The following RFC1 variants were observed in gnomAD, a reference collection of about 807,000 sequenced individuals.
The protein encoded by RFC1 is A1 140 kDa subunit.
RFC1 carries 37 observed loss-of-function variants against 137.4 expected under a neutral mutation model. The observed-to-expected ratio is 0.27, with a 90% CI of 0.21 to 0.35. The LOEUF (loss-of-function observed/expected upper bound fraction) is 0.35. RFC1 is among the 10% of genes least tolerant of loss of function. The pLI is 1.00. For synonymous variants in RFC1, 429 were observed against 455.7 expected (o/e 0.94, Z 0.75); for missense variants, 1,205 against 1,358.5 (o/e 0.89, Z 1.78).
chr4:39,300,875 C>G (rs1254537334), intron 19 of RFC1, among the ~76,000 whole-genome samples: 1 of 152,072 alleles, frequency 6.6e-6, no homozygotes, highest in Non-Finnish European at 1.5e-5. Context: ...GGGCGGATCA[C>G]TTGAGGTCAG....
In RFC1 at chr4:39,321,412, T is replaced by C. The variant is rs758826657; in HGVS notation, c.721-38A>G. ...TAAAAGTGTCAAATGTGACAAATAA[T>C]AGAAAAACTATTACCATAAAATCTG... On this transcript the variant is annotated intron_variant, in intron 7 of 24. Coordinates refer to ENST00000349703, the MANE Select transcript of RFC1 (RefSeq NM_002913.5). 1.5e-5 allele frequency: 23 copies of C among 1,559,416 alleles called. No individual in the cohort carries two copies. In the East Asian group the frequency reaches 3.6e-4, roughly 24 times the overall value.
Position 39,351,330 on chromosome 4 carries a change from T to C in RFC1, c.132+18A>G. 6.9e-7 allele frequency: 1 copy of C among 1,456,674 alleles called. No individual in the cohort carries two copies. Among genetic ancestry groups the C allele is most frequent in the South Asian group, 1.3e-5 (1 of 75,400 alleles). 90.2% of individuals were successfully genotyped at this position (1,456,674 alleles called of 1,614,324 possible). On this transcript the variant is annotated intron_variant, in intron 2 of 24. Transcript: ENST00000349703. Reference sequence around the variant, plus strand: ...TTTTACATTTCATTCAATGCAAAATTATACCCAGAAAACTAACCTTGATTT... The same window carrying C: ...TTTTACATTTCATTCAATGCAAAATCATACCCAGAAAACTAACCTTGATTT...
chr4:39,310,022 A>C (rs1738888844), intron 12 of RFC1, among the ~76,000 whole-genome samples: 1 of 152,212 alleles, frequency 6.6e-6, no homozygotes, highest in Non-Finnish European at 1.5e-5. Flanking sequence ...AATCATCTTA[A>C]CCAAATAATC....
At chr4:39,357,300 G>A (rs1307658239) in intron 1 of RFC1, among the ~76,000 whole-genome samples, 6 of 152,202 alleles carry the variant, frequency 3.9e-5, no homozygotes, top group African/African-American at 1.4e-4. Context: ...GTTGTGGCAA[G>A]AGGGAAGAAT....
intron 2 of RFC1, among the ~76,000 whole-genome samples, chr4:39,346,415 G>A (rs1740861259): frequency 6.6e-6 from 1 of 151,728 alleles, no homozygotes; most frequent in African/African-American, 2.4e-5. Context: ...GGCAGAGGTT[G>A]CAGTAAGCCA....
At chr4:39,328,926 T>A (rs1739927476) in intron 4 of RFC1, among the ~76,000 whole-genome samples, 1 of 152,030 alleles carries the variant, frequency 6.6e-6, no homozygotes, top group South Asian at 2.1e-4. Flanking sequence ...AGCTATATAT[T>A]GCAGGTGAAC....
intron 4 of RFC1, among the ~76,000 whole-genome samples, chr4:39,337,328 C>A (rs978406727): frequency 6.7e-6 from 1 of 150,366 alleles, no homozygotes; most frequent in African/African-American, 2.5e-5. Flanking sequence ...GACCCAAGAT[C>A]GCACCATTGC....
At chr4:39,320,349 CAAAA>C (rs56374926) in intron 9 of RFC1, 30 bp downstream of exon 9, 36,725 of 1,105,602 alleles carry the variant, frequency 0.033, 16 homozygotes, top group South Asian at 0.043. Context: ...AACTCCATCT[CAAAA>C]AAAAAAAAAA....
chr4:39,307,665 A>G (rs1237367872), intron 13 of RFC1, among the ~76,000 whole-genome samples: 1 of 152,062 alleles, frequency 6.6e-6, no homozygotes, highest in Non-Finnish European at 1.5e-5. Context: ...GCAGTGAGCC[A>G]AGATCGCACC....
chr4:39,364,497 T>C (rs1344237068), intron 1 of RFC1, among the ~76,000 whole-genome samples: 1 of 152,196 alleles, frequency 6.6e-6, no homozygotes, highest in East Asian at 1.9e-4. Context: ...CTATTTTTTA[T>C]CTGCACCATG....
chr4:39,362,770 A>G (rs949710603), intron 1 of RFC1, among the ~76,000 whole-genome samples: 2 of 152,248 alleles, frequency 1.3e-5, no homozygotes, highest in African/African-American at 4.8e-5. Flanking sequence ...GATGTGGAGG[A>G]AGACTATTTC....
chr4:39,365,323 C>CG (rs1477960757), intron 1 of RFC1: 5 of 353,798 alleles, frequency 1.4e-5, no homozygotes, highest in Non-Finnish European at 1.6e-5. Flanking sequence ...CCGCCCCCCC[C>CG]CAGAATGTTG....
At chr4:39,298,786 G>C (rs954902403) in intron 21 of RFC1, among the ~76,000 whole-genome samples, 3 of 152,182 alleles carry the variant, frequency 2.0e-5, no homozygotes, top group Non-Finnish European at 4.4e-5. Flanking sequence ...ATTTCTATGT[G>C]TCCATTTACA....
chr4:39,342,914 T>C (rs950187709), intron 3 of RFC1, among the ~76,000 whole-genome samples: 4 of 152,238 alleles, frequency 2.6e-5, no homozygotes, highest in African/African-American at 7.2e-5. Context: ...CACGTTGCCA[T>C]CTCCCGGATC....
Position 39,351,421 on chromosome 4 carries a change from G to T in RFC1, c.59C>A (p.Thr20Lys), listed in dbSNP as rs753085990. Residue 20 changes from threonine (T) to lysine (K), a missense_variant, in exon 2 of 25, where the codon ACA (threonine) becomes AAA (lysine). Around this residue, in one of 3 missense-constraint regions of RFC1, gnomAD observed 962 missense variants for 1,035.3 expected, o/e 0.93. Coordinates refer to ENST00000349703, the MANE Select transcript of RFC1 (RefSeq NM_002913.5). Reference protein sequence around the residue: ...IPSGKKLVSETVKKNEKTKSD... With the variant: ...IPSGKKLVSEKVKKNEKTKSD... ...CTTTGTTTTCTCATTCTTCTTTACT[G>T]TTTCACTTACAAGTTTCTTTCCACT... 6.3e-7 allele frequency: 1 copy of T among 1,578,488 alleles called. No homozygotes were observed. Among genetic ancestry groups the T allele is most frequent in the Non-Finnish European group, 8.6e-7 (1 of 1,165,320 alleles).
intron 10 of RFC1, among the ~76,000 whole-genome samples, chr4:39,315,792 C>T (rs1739210011): frequency 1.3e-5 from 2 of 152,298 alleles, no homozygotes; most frequent in South Asian, 4.2e-4. Context: ...TTCACTGCTC[C>T]CCCAGACCAG....
intron 22 of RFC1, among the ~76,000 whole-genome samples, chr4:39,295,062 GT>G (rs373119430): frequency 7.6e-4 from 115 of 152,268 alleles, no homozygotes; most frequent in African/African-American, 2.6e-3. Context: ...CATTTTCCAA[GT>G]TTCTAAAGTT....
At chr4:39,347,678 T>C (rs982024820) in intron 2 of RFC1, among the ~76,000 whole-genome samples, 2 of 152,156 alleles carry the variant, frequency 1.3e-5, no homozygotes, top group African/African-American at 4.8e-5. Context: ...GGTAGAAATA[T>C]GAACGTTAAA....
intron 7 of RFC1, chr4:39,321,583 G>T: frequency 8.3e-6 from 4 of 482,544 alleles, no homozygotes; most frequent in East Asian, 3.5e-5. Flanking sequence ...CAGATGAAAG[G>T]GTATAAAAAT....
Sources: allele counts gnomAD v4.1 joint callset (sites outside exome capture counted in the v4.1 genomes callset), GRCh38; gene constraint gnomAD v4.1.1; regional missense constraint gnomAD v4.1.1; transcripts MANE v1.5; gene names NCBI Gene and HGNC (gene_info 2026-07-23, HGNC 2026-07-21).